The following ERP27 variants were observed in gnomAD, a reference collection of about 807,000 sequenced individuals.
ERP27 encodes endoplasmic reticulum resident protein 27.
ERP27 carries 23 observed loss-of-function variants against 27.7 expected under a neutral mutation model. That is an observed-to-expected ratio of 0.83 (90% CI 0.60 to 1.18). The LOEUF (loss-of-function observed/expected upper bound fraction) is 1.18, where lower values mean the gene tolerates loss of function less well. Ranked by LOEUF, ERP27 falls within the 50% of genes most tolerant of loss-of-function variation. The pLI is 0.00. For synonymous variants in ERP27, 159 were observed against 118.3 expected (o/e 1.34, Z -2.23); for missense variants, 363 against 327.9 (o/e 1.11, Z -0.83).
rs894772966 is a variant in ERP27, at chr12:14,914,599, C to T, written c.*136G>A. ...GTGTGCGTGTGTGTGTGCACGCGTG[C>T]GTGCGTGTGTGCACGTGCGTGTGTG... On this transcript the variant is annotated 3_prime_UTR_variant, in exon 7 of 7. Transcript: ENST00000266397. The T allele has an allele frequency of 2.6e-5, 17 of 645,286 alleles. No homozygotes were observed. Among genetic ancestry groups the T allele is most frequent in the Non-Finnish European group, 3.8e-5 (14 of 371,854 alleles). 40.0% of individuals were successfully genotyped at this position (645,286 alleles called of 1,614,324 possible).
At chr12:14,932,426 C>G (rs1047800005) in intron 3 of ERP27, among the ~76,000 whole-genome samples, 2 of 151,934 alleles carry the variant, frequency 1.3e-5, no homozygotes, top group Admixed American at 6.6e-5. Context: ...GCATTCTAGA[C>G]AGAAGGAATA....
At chr12:14,916,286 GA>G (rs1246136179) in intron 5 of ERP27, among the ~76,000 whole-genome samples, 1 of 152,154 alleles carries the variant, frequency 6.6e-6, no homozygotes, top group Non-Finnish European at 1.5e-5. Context: ...GATTACCTAA[GA>G]AAGGAAGTAT....
At chr12:14,923,498 T>TCTATCTAG (rs1863544440) in intron 3 of ERP27, among the ~76,000 whole-genome samples, 1 of 150,758 alleles carries the variant, frequency 6.6e-6, no homozygotes, top group Non-Finnish European at 1.5e-5. Context: ...AATCAATCTA[T>TCTATCTAG]CTATCTATCT....
chr12:14,914,839 G>A lies in ERP27; in HGVS notation c.775-57C>T, dbSNP rs560238645. 9 of 1,370,714 alleles carry A rather than the reference G, an allele frequency of 6.6e-6. No individual in the cohort carries two copies. In the Admixed American group the frequency reaches 1.3e-4, roughly 20 times the overall value. 84.9% of individuals were successfully genotyped at this position (1,370,714 alleles called of 1,614,324 possible). ...TAGTAAACTGAGCTGTTTACTCCTG[G>A]AAGTCCTAAATCCTTCTTTAATTTT... On this transcript the variant is annotated intron_variant, in intron 6 of 6. Transcript: ENST00000266397.
chr12:14,923,136 T>C (rs915629255), intron 3 of ERP27, among the ~76,000 whole-genome samples: 1 of 151,886 alleles, frequency 6.6e-6, no homozygotes, highest in Non-Finnish European at 1.5e-5. Flanking sequence ...CTAAAGTGAA[T>C]ATTAAAGTCT....
chr12:14,915,096 A>AT (rs972384430), intron 6 of ERP27, among the ~76,000 whole-genome samples: 2 of 151,972 alleles, frequency 1.3e-5, no homozygotes, highest in East Asian at 1.9e-4. Flanking sequence ...TTTAACTTTA[A>AT]TTTTTTTGCT....
chr12:14,924,729 G>C (rs1863571163), intron 3 of ERP27, among the ~76,000 whole-genome samples: 1 of 152,146 alleles, frequency 6.6e-6, no homozygotes, highest in Non-Finnish European at 1.5e-5. Context: ...TTGAATAGGG[G>C]ATAGGAAAAA....
rs761756086 is a variant in ERP27 at position 14,920,964 on chromosome 12, T to C, written c.418A>G (p.Ser140Gly). 1.9e-6 allele frequency: 3 copies of C among 1,614,050 alleles called. No homozygotes were observed. The highest frequency in any genetic ancestry group is 2.7e-5 in the African/African-American group (2 of 74,934). Residue 140 changes from serine to glycine, a missense_variant, in exon 4 of 7, where the codon AGC (serine) becomes GGC (glycine). Physicochemically the swap from Ser to Gly is moderately conservative, Grantham distance 56. Coordinates refer to ENST00000266397, the MANE Select transcript of ERP27 (RefSeq NM_152321.4). Reference protein sequence around the residue: ...TKLSRFIEINSLHMVTEYNPV... With the variant: ...TKLSRFIEINGLHMVTEYNPV... The stretch of plus-strand genomic sequence containing the variant: ...TTGTACTCTGTCACCATGTGGAGGC[T>C]GTTGATCTCAATGAAACGGCTCAAT...
At chr12:14,934,624 C>A (rs1044341595) in intron 3 of ERP27, among the ~76,000 whole-genome samples, 4 of 152,180 alleles carry the variant, frequency 2.6e-5, no homozygotes, top group African/African-American at 9.7e-5. Flanking sequence ...TGTTGAGCGA[C>A]AAAGCAGTAC....
chr12:14,937,814 A>T (rs1863793782), intron 2 of ERP27, 138 bp downstream of exon 2: 1 of 658,704 alleles, frequency 1.5e-6, no homozygotes, highest in Non-Finnish European at 2.7e-6. Context: ...AATGGACAAG[A>T]TGAAATCAAA....
intron 3 of ERP27, among the ~76,000 whole-genome samples, 190 bp from the exon 4 acceptor site, chr12:14,921,238 A>G (rs779920813): frequency 2.6e-5 from 4 of 152,218 alleles, no homozygotes; most frequent in Non-Finnish European, 5.9e-5. Context: ...AATTTCCCAC[A>G]TGATGTGGCA....
intron 3 of ERP27, among the ~76,000 whole-genome samples, chr12:14,925,109 C>G (rs532250363): frequency 6.6e-6 from 1 of 152,268 alleles, no homozygotes; most frequent in African/African-American, 2.4e-5. Context: ...TGTAGCCATT[C>G]TTTCATTCCT....
intron 3 of ERP27, 73 bp from the exon 4 acceptor site, chr12:14,921,121 C>T (rs1282568156): frequency 1.6e-6 from 2 of 1,233,808 alleles, no homozygotes; most frequent in African/African-American, 1.5e-5. Flanking sequence ...CTTTAGACCC[C>T]CATGTGACAG....
At chr12:14,936,442 C>T (rs1285954721) in intron 2 of ERP27, among the ~76,000 whole-genome samples, 1 of 152,182 alleles carries the variant, frequency 6.6e-6, no homozygotes, top group African/African-American at 2.4e-5. Flanking sequence ...CTCACGGGAC[C>T]TTTATCCATA....
chr12:14,915,800 G>A, intron 5 of ERP27, 114 bp from the exon 6 acceptor site: 1 of 916,364 alleles, frequency 1.1e-6, no homozygotes, highest in Non-Finnish European at 1.6e-6. Context: ...TCTGCACCAT[G>A]AAATTGAAAT....
intron 2 of ERP27, among the ~76,000 whole-genome samples, chr12:14,936,699 G>C (rs1364893140): frequency 6.6e-6 from 1 of 152,108 alleles, no homozygotes; most frequent in Non-Finnish European, 1.5e-5. Flanking sequence ...TGAGTCACAA[G>C]ATCTGATGGT....
intron 3 of ERP27, among the ~76,000 whole-genome samples, chr12:14,928,607 T>C (rs1396071521): frequency 1.3e-5 from 2 of 152,250 alleles, no homozygotes; most frequent in African/African-American, 2.4e-5. Flanking sequence ...GACTGCTTTA[T>C]ACAATTTAAA....
intron 3 of ERP27, among the ~76,000 whole-genome samples, chr12:14,923,524 T>TATCTATC (rs1555098943): frequency 2.3e-4 from 35 of 151,836 alleles, no homozygotes; most frequent in African/African-American, 8.0e-4. Flanking sequence ...TCTATCTATC[T>TATCTATC]ATCTATCTAT....
At position 14,921,021 on chromosome 12, in the gene ERP27, C is replaced by A; in HGVS notation, c.361G>T (p.Asp121Tyr). Residue 121 changes from aspartate to tyrosine, a missense_variant, in exon 4 of 7, where the codon GAC (aspartate) becomes TAC (tyrosine). Coordinates refer to ENST00000266397, the MANE Select transcript of ERP27 (RefSeq NM_152321.4). ...GCATCAATGCTTTCAATGTCTTCGT[C>A]CTCTAAATTCAGTTGTTCATTGTCT... is the stretch of plus-strand genomic sequence containing the variant. Reference protein sequence around the residue: ...LVDNEQLNLEDEDIESIDATK... With the variant: ...LVDNEQLNLEYEDIESIDATK... 1 of 1,614,056 alleles carries A rather than the reference C, an allele frequency of 6.2e-7. No homozygotes were observed. Among genetic ancestry groups the A allele is most frequent in the Non-Finnish European group, 8.5e-7 (1 of 1,179,952 alleles).
Sources: gnomAD v4.1 joint callset for allele counts (sites outside exome capture counted in the v4.1 genomes callset) on GRCh38, gnomAD v4.1.1 for gene constraint, MANE v1.5 for transcripts, NCBI Gene and HGNC (gene_info 2026-07-23, HGNC 2026-07-21) for gene names.